The following ARHGAP22 variants were observed in gnomAD, a reference collection of about 807,000 sequenced individuals.
ARHGAP22 encodes Rho GTPase activating protein 22.
ARHGAP22 carries 48 observed loss-of-function variants against 59.1 expected under a neutral mutation model. The observed-to-expected ratio is 0.81, with a 90% CI of 0.64 to 1.03. ARHGAP22 has a LOEUF of 1.03. ARHGAP22 is among the 50% of genes least tolerant of loss of function. The probability of loss-of-function intolerance (pLI) is 0.00; values close to 1 mark genes in which losing one functional copy is unlikely to be tolerated. For synonymous variants in ARHGAP22, 445 were observed against 416.4 expected, an observed-to-expected ratio of 1.07 and a Z score of -0.84; for missense variants, 1,015 against 958.7, an observed-to-expected ratio of 1.06 and a Z score of -0.78.
At chr10:48,533,883 G>A (rs2055099640) in intron 3 of ARHGAP22, among the ~76,000 whole-genome samples, 1 of 152,238 alleles carries the variant, frequency 6.6e-6, no homozygotes, top group African/African-American at 2.4e-5. Context: ...GAATGGATGG[G>A]AATTCTCTCC....
rs769117345 is a variant in ARHGAP22, at chr10:48,479,663, G to A, written c.424C>T (p.Arg142Ter). Reference protein sequence around the residue: ...DMEDWVQAIRRVIWAPLGGGI... With the variant: ...DMEDWVQAIR ...CCGCCCAGCGGGGCCCAGATGACTC[G>A]GCGGATGGCCTGCACCCAGTCCTCC... is the stretch of plus-strand genomic sequence containing the variant. Residue 142 changes from arginine to a stop codon, truncating the protein, a stop_gained, in exon 4 of 10, where the codon CGA (arginine) becomes TGA (stop). Coordinates refer to ENST00000249601, the MANE Select transcript of ARHGAP22 (RefSeq NM_021226.4). LOFTEE classifies it high-confidence loss of function. 4.3e-6 allele frequency: 7 copies of A among 1,613,532 alleles called. No individual in the cohort carries two copies. The highest frequency in any genetic ancestry group is 2.2e-5 in the East Asian group (1 of 44,868).
At chr10:48,524,514 G>A (rs1326606657) in intron 3 of ARHGAP22, among the ~76,000 whole-genome samples, 2 of 152,068 alleles carry the variant, frequency 1.3e-5, no homozygotes, top group Non-Finnish European at 2.9e-5. Flanking sequence ...TGGGAGCCAA[G>A]CAGGGGTGGG....
At chr10:48,531,287 C>G (rs960031993) in intron 3 of ARHGAP22, among the ~76,000 whole-genome samples, 1 of 152,068 alleles carries the variant, frequency 6.6e-6, no homozygotes, top group East Asian at 1.9e-4. Flanking sequence ...TGGCAGGAGG[C>G]TGAGGGATAA....
chr10:48,583,349 C>T (rs2059233087), intron 1 of ARHGAP22, among the ~76,000 whole-genome samples, 197 bp from the exon 2 acceptor site: 1 of 152,204 alleles, frequency 6.6e-6, no homozygotes, highest in African/African-American at 2.4e-5. Context: ...TGCAGTGATC[C>T]CCCTGGGGTA....
At chr10:48,562,837 T>C (rs994188386) in intron 2 of ARHGAP22, among the ~76,000 whole-genome samples, 1 of 152,220 alleles carries the variant, frequency 6.6e-6, no homozygotes, top group African/African-American at 2.4e-5. Flanking sequence ...TTTGATTCAG[T>C]TATCAAAAAA....
chr10:48,515,652 G>A (rs1273279112), intron 3 of ARHGAP22, among the ~76,000 whole-genome samples: 2 of 152,192 alleles, frequency 1.3e-5, no homozygotes, highest in African/African-American at 2.4e-5. Flanking sequence ...CATATTTGAG[G>A]ATAGACCATT....
At chr10:48,517,466 A>G (rs6537566) in intron 3 of ARHGAP22, among the ~76,000 whole-genome samples, 60 of 152,292 alleles carry the variant, frequency 3.9e-4, no homozygotes, top group African/African-American at 1.3e-3. Context: ...CTACAGGTAC[A>G]AGGACCACAG....
intron 2 of ARHGAP22, among the ~76,000 whole-genome samples, chr10:48,564,144 G>T (rs1010305458): frequency 6.6e-6 from 1 of 152,148 alleles, no homozygotes; most frequent in Admixed American, 6.5e-5. Flanking sequence ...AAAATAAAAT[G>T]TCCTGTAACC....
At chr10:48,457,762 C>A (rs1296769962) in intron 5 of ARHGAP22, among the ~76,000 whole-genome samples, 1 of 152,096 alleles carries the variant, frequency 6.6e-6, no homozygotes, top group Non-Finnish European at 1.5e-5. Flanking sequence ...CTAAAGGGGA[C>A]CTTCTTATAG....
intron 4 of ARHGAP22, among the ~76,000 whole-genome samples, chr10:48,474,864 G>A (rs749278931): frequency 1.3e-5 from 2 of 152,134 alleles, no homozygotes; most frequent in Non-Finnish European, 2.9e-5. Context: ...TTTTGTGGAT[G>A]ATTTTTGTAT....
chr10:48,472,134 G>T (rs184038325), intron 4 of ARHGAP22, among the ~76,000 whole-genome samples: 48 of 152,148 alleles, frequency 3.2e-4, no homozygotes, highest in South Asian at 1.3e-3. Flanking sequence ...TTGAACCCGG[G>T]GGGGAAGAGG....
intron 2 of ARHGAP22, among the ~76,000 whole-genome samples, chr10:48,569,231 C>A (rs1044542719): frequency 1.3e-5 from 2 of 152,220 alleles, no homozygotes; most frequent in Admixed American, 1.3e-4. Flanking sequence ...TTTGCATTGA[C>A]CTGCCCTGGC....
intron 2 of ARHGAP22, among the ~76,000 whole-genome samples, chr10:48,571,545 A>C (rs1000496579): frequency 2.0e-5 from 3 of 152,220 alleles, no homozygotes; most frequent in Non-Finnish European, 4.4e-5. Flanking sequence ...TATGCATCTT[A>C]AGAAAGTCAC....
intron 3 of ARHGAP22, among the ~76,000 whole-genome samples, chr10:48,499,504 T>A (rs2051291311): frequency 6.6e-6 from 1 of 152,212 alleles, no homozygotes; most frequent in Non-Finnish European, 1.5e-5. Flanking sequence ...AACACTGCAT[T>A]CAGTGGAGAG....
At chr10:48,520,734 C>G (rs2053726650) in intron 3 of ARHGAP22, among the ~76,000 whole-genome samples, 1 of 152,006 alleles carries the variant, frequency 6.6e-6, no homozygotes, top group African/African-American at 2.4e-5. Flanking sequence ...TGGTCATGGG[C>G]AAAACCCCAG....
At chr10:48,539,377 C>T (rs1405530419) in intron 3 of ARHGAP22, among the ~76,000 whole-genome samples, 3 of 146,634 alleles carry the variant, frequency 2.0e-5, no homozygotes, top group Non-Finnish European at 4.5e-5. Flanking sequence ...CTGCAAGCTC[C>T]GCCTCCCGGG....
At chr10:48,530,263 C>CAAAAAAAAA (rs1284391769) in intron 3 of ARHGAP22, among the ~76,000 whole-genome samples, 1 of 98,816 alleles carries the variant, frequency 1.0e-5, no homozygotes. Flanking sequence ...AAAAAAAAAT[C>CAAAAAAAAA]AACTCAAGAT....
Position 48,620,279 on chromosome 10 carries a change from A to T in ARHGAP22, c.52+31955T>A, listed in dbSNP as rs370558383. On this transcript the variant is annotated intron_variant, in intron 1 of 9. Coordinates refer to the ARHGAP22 transcript ENST00000435790. Reference sequence around the variant, plus strand: ...CACACTTGTACATGTTTTTTTTTTTAAAGTTGGACAGTTTCTTAAGTGTTT... The same window carrying T: ...CACACTTGTACATGTTTTTTTTTTTTAAGTTGGACAGTTTCTTAAGTGTTT... Among the ~76,000 whole-genome samples the T allele has an allele frequency of 6.4e-3, 8 of 1,244 alleles. No individual in the cohort carries two copies. In the East Asian group the frequency reaches 0.15, roughly 24 times the overall value. The allele number at this position is 1,244 out of a possible 152,430, so 0.8% of individuals were successfully genotyped here.
At chr10:48,555,747 G>A (rs1275850585) in intron 2 of ARHGAP22, among the ~76,000 whole-genome samples, 197 bp from the exon 3 acceptor site, 1 of 152,170 alleles carries the variant, frequency 6.6e-6, no homozygotes, top group Non-Finnish European at 1.5e-5. Context: ...GGTGGATTAA[G>A]GTGGACACTG....
Sources: gnomAD v4.1 joint callset for allele counts (sites outside exome capture counted in the v4.1 genomes callset) on GRCh38, gnomAD v4.1.1 for gene constraint, MANE v1.5 for transcripts, NCBI Gene and HGNC (gene_info 2026-07-23, HGNC 2026-07-21) for gene names.